The following APBA1 variants were observed in gnomAD, a reference collection of about 807,000 sequenced individuals.
The protein encoded by APBA1 is amyloid beta precursor protein binding family A member 1.
APBA1 carries 55 observed loss-of-function variants against 86.6 expected under a neutral mutation model. The observed-to-expected ratio is 0.64, with a 90% CI of 0.51 to 0.80. The LOEUF is 0.80. APBA1 is among the 30% of genes least tolerant of loss of function. The pLI, the probability that APBA1 is intolerant of heterozygous loss-of-function variation, is 0.00. For synonymous variants in APBA1, 511 were observed against 493.9 expected (o/e 1.03, Z -0.46); for missense variants, 1,090 against 1,183.0 (o/e 0.92, Z 1.15).
intron 1 of APBA1, among the ~76,000 whole-genome samples, chr9:69,524,584 A>G (rs1836313489): frequency 6.6e-6 from 1 of 151,836 alleles, no homozygotes; most frequent in Non-Finnish European, 1.5e-5. Flanking sequence ...CAGTAATACA[A>G]AAAAAAACAA....
At chr9:69,636,392 C>T (rs963096449) in intron 1 of APBA1, among the ~76,000 whole-genome samples, 1 of 152,156 alleles carries the variant, frequency 6.6e-6, no homozygotes, top group Non-Finnish European at 1.5e-5. Context: ...AATTCCACTG[C>T]TAGGTATATA....
At chr9:69,447,449 T>C (rs1834929401) in intron 10 of APBA1, among the ~76,000 whole-genome samples, 1 of 152,190 alleles carries the variant, frequency 6.6e-6, no homozygotes, top group East Asian at 1.9e-4. Flanking sequence ...AACTCTGTGC[T>C]GTGGGGCTGT....
At chr9:69,487,827 T>C (rs1345268724) in intron 2 of APBA1, among the ~76,000 whole-genome samples, 3 of 152,018 alleles carry the variant, frequency 2.0e-5, no homozygotes, top group African/African-American at 2.4e-5. Context: ...AGACACAACA[T>C]TAGTGCCTAC....
intron 1 of APBA1, among the ~76,000 whole-genome samples, chr9:69,636,473 T>C (rs1823161545): frequency 6.6e-6 from 1 of 152,116 alleles, no homozygotes; most frequent in Admixed American, 6.6e-5. Flanking sequence ...CCATTCACAA[T>C]AGTCAAGATC....
chr9:69,476,619 T>C (rs576820303), intron 2 of APBA1, among the ~76,000 whole-genome samples: 36 of 151,646 alleles, frequency 2.4e-4, no homozygotes, highest in African/African-American at 8.7e-4. Flanking sequence ...CTAGAAACCA[T>C]ACCACCTGTA....
chr9:69,605,759 C>A (rs1822458300), intron 1 of APBA1, among the ~76,000 whole-genome samples: 1 of 152,186 alleles, frequency 6.6e-6, no homozygotes, highest in Non-Finnish European at 1.5e-5. Flanking sequence ...CCAGAACACG[C>A]TTACATTAAA....
At chr9:69,444,075 G>A (rs772131714) in intron 10 of APBA1, among the ~76,000 whole-genome samples, 3 of 152,154 alleles carry the variant, frequency 2.0e-5, no homozygotes, top group Admixed American at 6.5e-5. Context: ...TTTCCCCGCC[G>A]TCAGCATCTG....
At position 69,558,645 on chromosome 9, in the gene APBA1, T is replaced by TA. The variant is rs569287349; in HGVS notation, c.-69-41367dup. ...TACATGTGCAGGTTTGTTATGCAGG[T>TA]AAATTCATGTCACAGGGGCTCGTTG... On this transcript the variant is annotated intron_variant, in intron 1 of 12. Coordinates refer to ENST00000265381, the MANE Select transcript of APBA1 (RefSeq NM_001163.4). Among the ~76,000 whole-genome samples, 727 of 151,964 alleles carry TA rather than the reference T, an allele frequency of 4.8e-3. 4 individuals are homozygous for TA. Among genetic ancestry groups the TA allele is most frequent in the Non-Finnish European group, 6.4e-3 (437 of 67,956 alleles).
rs560825994 is a variant in APBA1 at position 69,452,122 on chromosome 9, A to G, written c.1968T>C (p.Asp656=). ...AGAACAGCTTCAGGTAAGTACCCAC[A>G]TCTTTACAGTTTTCCGACTTGGAGA... ...IHFSKSENCK[D]VFIEKQKGEI... is the part of the protein sequence containing the mutation. Residue 656 remains aspartate, a splice_region_variant and synonymous_variant, in exon 9 of 13, where the codon GAT becomes GAC. Coordinates refer to ENST00000265381, the MANE Select transcript of APBA1 (RefSeq NM_001163.4). 10 of 1,613,912 alleles carry G rather than the reference A, an allele frequency of 6.2e-6. No homozygotes were observed. In the South Asian group the frequency reaches 6.6e-5, roughly 11 times the overall value.
At chr9:69,540,421 A>G (rs762534953) in intron 1 of APBA1, among the ~76,000 whole-genome samples, 15 of 152,140 alleles carry the variant, frequency 9.9e-5, no homozygotes, top group Admixed American at 3.3e-4. Context: ...GTAACTGTAC[A>G]ATAGAGTACA....
At chr9:69,490,608 T>A (rs1364716997) in intron 2 of APBA1, among the ~76,000 whole-genome samples, 1 of 151,680 alleles carries the variant, frequency 6.6e-6, no homozygotes, top group Non-Finnish European at 1.5e-5. Context: ...ACAAATGGGA[T>A]CTAATTAAAC....
At chr9:69,603,765 G>C (rs1274838435) in intron 1 of APBA1, among the ~76,000 whole-genome samples, 1 of 152,232 alleles carries the variant, frequency 6.6e-6, no homozygotes, top group Non-Finnish European at 1.5e-5. Context: ...ATACTCTTGA[G>C]AGTGAAAGCA....
chr9:69,594,201 C>T (rs890098782), intron 1 of APBA1, among the ~76,000 whole-genome samples: 1 of 152,096 alleles, frequency 6.6e-6, no homozygotes, highest in Non-Finnish European at 1.5e-5. Context: ...CAGACAAGAG[C>T]CATGCTGCTC....
intron 2 of APBA1, among the ~76,000 whole-genome samples, chr9:69,496,206 G>A (rs1263497200): frequency 1.3e-5 from 2 of 152,162 alleles, no homozygotes; most frequent in Non-Finnish European, 1.5e-5. Context: ...GCAGAGAGAC[G>A]CCCCCAGAGC....
At chr9:69,436,507 T>C (rs1834723016) in intron 11 of APBA1, among the ~76,000 whole-genome samples, 1 of 151,682 alleles carries the variant, frequency 6.6e-6, no homozygotes, top group Non-Finnish European at 1.5e-5. Context: ...CCCTTGTAAG[T>C]TGGATTCCTA....
intron 1 of APBA1, among the ~76,000 whole-genome samples, chr9:69,650,895 C>T (rs1823485601): frequency 6.6e-6 from 1 of 152,180 alleles, no homozygotes; most frequent in Non-Finnish European, 1.5e-5. Context: ...ATGCCCATCC[C>T]TATGACGAAA....
In APBA1 at chr9:69,516,061, C is replaced by A; in HGVS notation, c.1150G>T (p.Asp384Tyr). The A allele has an allele frequency of 6.2e-7, 1 of 1,612,006 alleles. No homozygotes were observed. Among genetic ancestry groups the A allele is most frequent in the Non-Finnish European group, 8.5e-7 (1 of 1,178,782 alleles). ...PKEPIWVMRQ[D>Y]ISPTRDCDDQ... ...TCACAGTCCCTGGTGGGGCTAATGT[C>A]CTGGCGCATGACCCAGATGGGCTCT... is the stretch of plus-strand genomic sequence containing the variant. The change falls in exon 2 of 13, where the codon GAC (aspartate) becomes TAC (tyrosine). Residue 384 changes from aspartate to tyrosine, a missense_variant. Around this residue, in one of 6 missense-constraint regions of APBA1, gnomAD observed 678 missense variants for 647.1 expected, o/e 1.05. Coordinates refer to ENST00000265381, the MANE Select transcript of APBA1 (RefSeq NM_001163.4). The surrounding 1 kb of genome is among the most constrained non-coding windows in gnomAD (Gnocchi z 7.3).
chr9:69,560,281 C>A (rs1188290713), intron 1 of APBA1, among the ~76,000 whole-genome samples: 1 of 152,064 alleles, frequency 6.6e-6, no homozygotes, highest in Non-Finnish European at 1.5e-5. Flanking sequence ...ATATTTTAAC[C>A]AATTTTTCTA....
intron 2 of APBA1, among the ~76,000 whole-genome samples, chr9:69,490,331 G>C (rs1835686955): frequency 6.6e-6 from 1 of 151,908 alleles, no homozygotes; most frequent in Admixed American, 6.6e-5. Context: ...TTGTGGGGTG[G>C]GGGGAGAGGG....
Sources: allele counts gnomAD v4.1 joint callset (sites outside exome capture counted in the v4.1 genomes callset), GRCh38; gene constraint gnomAD v4.1.1; regional missense constraint gnomAD v4.1.1; non-coding constraint Gnocchi (gnomAD v3.1); transcripts MANE v1.5; gene names NCBI Gene and HGNC (gene_info 2026-07-23, HGNC 2026-07-21).